The following ZDHHC2 variants were observed in gnomAD, a reference collection of about 807,000 sequenced individuals.
The protein encoded by ZDHHC2 is zDHHC palmitoyltransferase 2.
Under a neutral mutation model 55.6 loss-of-function variants are expected in ZDHHC2, and 51 were observed. The ratio of observed to expected loss-of-function variants is 0.92; its 90% CI spans 0.73 to 1.16. The LOEUF (loss-of-function observed/expected upper bound fraction) is 1.16. ZDHHC2 is among the 50% of genes most tolerant of loss of function. The pLI, the probability that ZDHHC2 is intolerant of heterozygous loss-of-function variation, is 0.00. For missense variants in ZDHHC2, 491 were observed against 442.4 expected, an observed-to-expected ratio of 1.11 and a Z score of -0.99; for synonymous variants, 199 against 152.9, an observed-to-expected ratio of 1.30 and a Z score of -2.22.
At chr8:17,214,771 G>T (rs753667471) in intron 10 of ZDHHC2, among the ~76,000 whole-genome samples, 2 of 151,940 alleles carry the variant, frequency 1.3e-5, no homozygotes, top group Non-Finnish European at 2.9e-5. Context: ...ATTAGCTGAG[G>T]GTGGTGGTGT....
intron 1 of ZDHHC2, among the ~76,000 whole-genome samples, chr8:17,167,114 A>T (rs2150883107): frequency 6.6e-6 from 1 of 152,180 alleles, no homozygotes; most frequent in Middle Eastern, 3.4e-3. Context: ...AACATTTGGG[A>T]CATATGTTTC....
At position 17,224,555 on chromosome 8, in the gene ZDHHC2, T is replaced by A. The variant is rs1195042042; in HGVS notation, c.*4334T>A. 1.3e-5 allele frequency: 2 copies of A among 151,662 alleles called. No individual in the cohort carries two copies. Among genetic ancestry groups the A allele is most frequent in the African/African-American group, 4.8e-5 (2 of 41,374 alleles). 9.4% of individuals were successfully genotyped at this position (151,662 alleles called of 1,614,324 possible). On this transcript the variant is annotated 3_prime_UTR_variant, in exon 13 of 13. Coordinates refer to ENST00000262096, the MANE Select transcript of ZDHHC2 (RefSeq NM_016353.5). ...CCTACCTGAAATTATTAATGCTTAA[T>A]ATATTGCTTCTGTTTGATTGATAAA...
intron 1 of ZDHHC2, among the ~76,000 whole-genome samples, chr8:17,168,012 A>G (rs1804688065): frequency 6.6e-6 from 1 of 152,158 alleles, no homozygotes; most frequent in South Asian, 2.1e-4. Flanking sequence ...ATGTGTTTCA[A>G]TCTTCTTTTT....
chr8:17,174,831 C>T (rs376573974), intron 1 of ZDHHC2, among the ~76,000 whole-genome samples: 1 of 151,790 alleles, frequency 6.6e-6, no homozygotes, highest in Non-Finnish European at 1.5e-5. Context: ...CCACCTCAGC[C>T]TCCTGACTAG....
At chr8:17,195,897 C>T (rs1806282130) in intron 4 of ZDHHC2, among the ~76,000 whole-genome samples, 1 of 152,120 alleles carries the variant, frequency 6.6e-6, no homozygotes, top group African/African-American at 2.4e-5. Flanking sequence ...GTGGGAACTG[C>T]TGAAATCTTG....
chr8:17,211,766 A>G (rs575049270), intron 10 of ZDHHC2, among the ~76,000 whole-genome samples: 2 of 152,260 alleles, frequency 1.3e-5, no homozygotes, highest in Non-Finnish European at 2.9e-5. Flanking sequence ...TATATATTTC[A>G]CAGGGACATT....
intron 1 of ZDHHC2, among the ~76,000 whole-genome samples, chr8:17,157,864 A>G (rs987964736): frequency 5.3e-5 from 8 of 152,218 alleles, no homozygotes; most frequent in African/African-American, 1.2e-4. Flanking sequence ...ATAGTGGCCT[A>G]TTATATTGAG....
intron 1 of ZDHHC2, 48 bp from the exon 2 acceptor site, chr8:17,184,741 G>T (rs147734938): frequency 2.7e-6 from 4 of 1,504,824 alleles, no homozygotes; most frequent in Non-Finnish European, 3.6e-6. Flanking sequence ...GTCAAGCCCC[G>T]TTTGCCATAA....
chr8:17,183,490 A>T (rs1375688898), intron 1 of ZDHHC2, among the ~76,000 whole-genome samples: 2 of 152,200 alleles, frequency 1.3e-5, no homozygotes, highest in African/African-American at 4.8e-5. Context: ...CCATTTGTAA[A>T]TCGAAGGTCA....
intron 6 of ZDHHC2, among the ~76,000 whole-genome samples, chr8:17,199,497 T>TCTTCGTCTTCG (rs1554465961): frequency 3.8e-4 from 20 of 52,682 alleles, no homozygotes; most frequent in African/African-American, 8.6e-4. Context: ...CTTCTTCTTC[T>TCTTCGTCTTCG]TCTTCTTCTT....
intron 3 of ZDHHC2, among the ~76,000 whole-genome samples, chr8:17,194,439 A>G (rs1806200219): frequency 6.6e-6 from 1 of 151,526 alleles, no homozygotes; most frequent in African/African-American, 2.4e-5. Context: ...CCGAGCCAGT[A>G]TGTCAAACAT....
chr8:17,215,332 C>A lies in ZDHHC2; in HGVS notation c.1046C>A (p.Pro349Gln). The change falls in exon 11 of 13, where the codon CCA (proline) becomes CAA (glutamine). Residue 349 changes from proline (P) to glutamine (Q), a missense_variant. Coordinates refer to ENST00000262096, the MANE Select transcript of ZDHHC2 (RefSeq NM_016353.5). Reference sequence around the variant, plus strand: ...TCTTGGACGGAGAGCAGCATAAACCCAGGAAAATGCAAAGCTGGTAAGGGT... The same window carrying A: ...TCTTGGACGGAGAGCAGCATAAACCAAGGAAAATGCAAAGCTGGTAAGGGT... ...SQSWTESSIN[P>Q]GKCKAGMSNP... 1 of 1,582,788 alleles carries A rather than the reference C, an allele frequency of 6.3e-7. No homozygotes were observed. The highest frequency in any genetic ancestry group is 2.3e-5 in the East Asian group (1 of 43,606).
chr8:17,194,705 G>C (rs986085095), intron 3 of ZDHHC2, among the ~76,000 whole-genome samples: 3 of 152,072 alleles, frequency 2.0e-5, no homozygotes, highest in African/African-American at 2.4e-5. Context: ...GCTATACACA[G>C]CTATAGTTTA....
At chr8:17,177,715 A>G (rs1805215971) in intron 1 of ZDHHC2, among the ~76,000 whole-genome samples, 1 of 151,398 alleles carries the variant, frequency 6.6e-6, no homozygotes, top group Non-Finnish European at 1.5e-5. Flanking sequence ...TATCCTTCAG[A>G]TTCATCCATT....
At chr8:17,165,882 A>G (rs567792166) in intron 1 of ZDHHC2, among the ~76,000 whole-genome samples, 1 of 152,340 alleles carries the variant, frequency 6.6e-6, no homozygotes, top group Non-Finnish European at 1.5e-5. Flanking sequence ...GTGGAGAAAT[A>G]TATCTCCGGC....
chr8:17,181,076 A>G (rs1024013920), intron 1 of ZDHHC2, among the ~76,000 whole-genome samples: 2 of 152,168 alleles, frequency 1.3e-5, no homozygotes, highest in Non-Finnish European at 2.9e-5. Flanking sequence ...TTTTTCAACT[A>G]TCAGTTGAGT....
chr8:17,197,733 G>C, intron 5 of ZDHHC2, 82 bp downstream of exon 5: 1 of 1,405,258 alleles, frequency 7.1e-7, no homozygotes, highest in East Asian at 2.3e-5. Flanking sequence ...CTGTTTTCCT[G>C]ATTATCTTCT....
intron 8 of ZDHHC2, among the ~76,000 whole-genome samples, chr8:17,209,527 G>T (rs1421541326): frequency 6.6e-6 from 1 of 152,146 alleles, no homozygotes; most frequent in East Asian, 1.9e-4. Context: ...AAAGGTTGTA[G>T]AATGTATGTA....
At chr8:17,163,630 A>G (rs905788176) in intron 1 of ZDHHC2, among the ~76,000 whole-genome samples, 2 of 152,208 alleles carry the variant, frequency 1.3e-5, no homozygotes, top group African/African-American at 4.8e-5. Context: ...GTTGTATCAT[A>G]TCACCCAGCC....
Sources: gnomAD v4.1 joint callset for allele counts (sites outside exome capture counted in the v4.1 genomes callset) on GRCh38, gnomAD v4.1.1 for gene constraint, MANE v1.5 for transcripts, NCBI Gene and HGNC (gene_info 2026-07-23, HGNC 2026-07-21) for gene names.